Variants in PRKCB observed in about 807,000 individuals in gnomAD.
PRKCB encodes the protein protein kinase C beta, also known as protein kinase C beta type.
In PRKCB, 13 loss-of-function variants were observed where a neutral mutation model predicts 81.5. The observed-to-expected ratio is 0.16, with a 90% CI of 0.10 to 0.25. The LOEUF is 0.25. Among genes scored for constraint, PRKCB ranks in the 10% least tolerant of loss-of-function variants. The probability of loss-of-function intolerance (pLI) is 1.00; values close to 1 mark genes in which losing one functional copy is unlikely to be tolerated. For synonymous variants in PRKCB, 335 were observed against 321.4 expected (o/e 1.04, Z -0.45); for missense variants, 509 against 875.7 (o/e 0.58, Z 5.29).
chr16:24,052,150 C>CAG (rs1434937907), intron 5 of PRKCB, among the ~76,000 whole-genome samples: 1 of 128,304 alleles, frequency 7.8e-6, no homozygotes, highest in Non-Finnish European at 1.6e-5. Flanking sequence ...ATAGGATAGG[C>CAG]ATAGTTAAAA....
chr16:24,171,727 AATTATTATT>A (rs144391453), intron 10 of PRKCB, among the ~76,000 whole-genome samples: 5 of 151,818 alleles, frequency 3.3e-5, no homozygotes, highest in East Asian at 1.9e-4. Context: ...ATAAACTTGT[AATTATTATT>A]ATTATTATTA....
chr16:23,928,639 G>A (rs190890969), intron 2 of PRKCB, among the ~76,000 whole-genome samples: 16 of 152,194 alleles, frequency 1.1e-4, no homozygotes, highest in Admixed American at 8.5e-4. Context: ...TATGAGCTGG[G>A]AAATGCACCT....
At chr16:23,972,932 T>A (rs1469760375) in intron 2 of PRKCB, among the ~76,000 whole-genome samples, 1 of 152,232 alleles carries the variant, frequency 6.6e-6, no homozygotes. Flanking sequence ...ATAGCTAATA[T>A]TTATGATGAG....
chr16:23,842,214 T>A lies in PRKCB; in HGVS notation c.205+4808T>A, dbSNP rs905847267. Among the ~76,000 whole-genome samples the A allele has an allele frequency of 3.9e-5, 6 of 152,192 alleles. 1 individual carries two copies. In the South Asian group the frequency reaches 1.2e-3, roughly 32 times the overall value. On this transcript the variant is annotated intron_variant, in intron 2 of 16. Coordinates refer to ENST00000643927, the MANE Select transcript of PRKCB (RefSeq NM_002738.7). ...ATCTCTGATGGAGCCGCTTACTCCC[T>A]GTGTGACCTTGGGCAAGTCGTCCCC...
intron 3 of PRKCB, among the ~76,000 whole-genome samples, chr16:24,001,564 A>T (rs757623874): frequency 2.6e-5 from 4 of 152,244 alleles, no homozygotes; most frequent in Non-Finnish European, 5.9e-5. Flanking sequence ...GTTGAAATGG[A>T]TGATTTTCTC....
chr16:24,108,457 G>C (rs1966609344), intron 7 of PRKCB, among the ~76,000 whole-genome samples: 1 of 145,756 alleles, frequency 6.9e-6, no homozygotes, highest in Non-Finnish European at 1.5e-5. Context: ...AGCTAAACAA[G>C]TGAACAAAGG....
chr16:24,209,958 A>G (rs544680378), intron 16 of PRKCB, among the ~76,000 whole-genome samples: 9 of 151,998 alleles, frequency 5.9e-5, no homozygotes, highest in African/African-American at 1.9e-4. Context: ...GTCTACAAAA[A>G]AAAAAAAATT....
At chr16:23,953,072 A>G (rs1380397400) in intron 2 of PRKCB, among the ~76,000 whole-genome samples, 3 of 152,114 alleles carry the variant, frequency 2.0e-5, no homozygotes, top group Non-Finnish European at 4.4e-5. Context: ...TTTAATCATC[A>G]TGCCACCCCA....
chr16:24,004,992 C>G (rs1596507313), intron 3 of PRKCB, among the ~76,000 whole-genome samples: 1 of 151,968 alleles, frequency 6.6e-6, no homozygotes, highest in African/African-American at 2.4e-5. Flanking sequence ...AAATATATTA[C>G]AGTCATATGG....
At chr16:24,096,983 T>C (rs1045706994) in intron 7 of PRKCB, among the ~76,000 whole-genome samples, 10 of 150,834 alleles carry the variant, frequency 6.6e-5, no homozygotes, top group African/African-American at 1.2e-4. Context: ...TTCCTTTCCA[T>C]TGTTCACCTT....
intron 6 of PRKCB, 80 bp from the exon 7 acceptor site, chr16:24,094,083 G>T: frequency 6.8e-7 from 1 of 1,470,530 alleles, no homozygotes. Flanking sequence ...TCTACCTCCA[G>T]GTCTTGTCCT....
At chr16:24,006,834 CAGGGGGTG>C (rs62862861) in intron 3 of PRKCB, among the ~76,000 whole-genome samples, 7,913 of 117,642 alleles carry the variant, frequency 0.067, 682 homozygotes, top group African/African-American at 0.24. Flanking sequence ...ATACGGGGAG[CAGGGGGTG>C]GGGAGGGGGA....
intron 2 of PRKCB, among the ~76,000 whole-genome samples, chr16:23,983,664 A>T (rs981730185): frequency 1.3e-5 from 2 of 152,154 alleles, no homozygotes; most frequent in African/African-American, 2.4e-5. Context: ...ACTAGAGATG[A>T]GCTATCTTTA....
intron 2 of PRKCB, among the ~76,000 whole-genome samples, chr16:23,884,724 A>G (rs1160688093): frequency 6.6e-6 from 1 of 151,872 alleles, no homozygotes; most frequent in Non-Finnish European, 1.5e-5. Flanking sequence ...TATTTTTTGT[A>G]GCTGCAAGGT....
intron 3 of PRKCB, among the ~76,000 whole-genome samples, chr16:23,992,034 C>T (rs1354241156): frequency 6.6e-6 from 1 of 152,110 alleles, no homozygotes; most frequent in African/African-American, 2.4e-5. Flanking sequence ...GAGATAGTGC[C>T]CCTATAAAAA....
chr16:24,024,211 C>T (rs1299207276), intron 3 of PRKCB, among the ~76,000 whole-genome samples: 1 of 152,126 alleles, frequency 6.6e-6, no homozygotes, highest in Non-Finnish European at 1.5e-5. Context: ...ATAAGCCAGG[C>T]ACAGAAAGAC....
chr16:24,019,009 G>T (rs571269061), intron 3 of PRKCB, among the ~76,000 whole-genome samples: 1 of 152,012 alleles, frequency 6.6e-6, no homozygotes, highest in Admixed American at 6.5e-5. Context: ...TGTTACTCAC[G>T]GTGGTAGTAC....
At chr16:24,124,048 G>C in intron 9 of PRKCB, 67 bp downstream of exon 9, 3 of 1,583,830 alleles carry the variant, frequency 1.9e-6, no homozygotes, top group South Asian at 2.2e-5. Flanking sequence ...CACATTTGCT[G>C]TTCCTATGGG....
intron 2 of PRKCB, among the ~76,000 whole-genome samples, chr16:23,887,732 T>C (rs1963226294): frequency 6.6e-6 from 1 of 152,250 alleles, no homozygotes; most frequent in South Asian, 2.1e-4. Flanking sequence ...AATGCTGGAT[T>C]GAATGGCAAT....
Sources: allele counts gnomAD v4.1 joint callset (sites outside exome capture counted in the v4.1 genomes callset), GRCh38; gene constraint gnomAD v4.1.1; transcripts MANE v1.5; gene names NCBI Gene and HGNC (gene_info 2026-07-23, HGNC 2026-07-21).